The following ANKRD13B variants were observed in gnomAD, a reference collection of about 807,000 sequenced individuals.
ANKRD13B encodes the protein ankyrin repeat domain 13B, also known as ankyrin repeat domain-containing protein 13B.
A neutral mutation model predicts 74.4 loss-of-function variants in ANKRD13B; 33 were observed. That is an observed-to-expected ratio of 0.44 (90% CI 0.34 to 0.59). ANKRD13B has a LOEUF of 0.59. Among genes scored for constraint, ANKRD13B ranks in the 20% least tolerant of loss-of-function variants. The pLI is 0.02. For synonymous variants in ANKRD13B, 341 were observed against 362.9 expected (o/e 0.94, Z 0.68); for missense variants, 676 against 877.9 (o/e 0.77, Z 2.91).
In ANKRD13B at chr17:29,612,022, G is replaced by C; in HGVS notation, c.1100+16G>C. Reference sequence around the variant, plus strand: ...AGACACAGAAGTGAGGCCCCTGCCGGTGCTGGGAAGGTGGGGGGCCGGGGC... The same window carrying C: ...AGACACAGAAGTGAGGCCCCTGCCGCTGCTGGGAAGGTGGGGGGCCGGGGC... On this transcript the variant is annotated intron_variant, in intron 10 of 14. Coordinates refer to ENST00000394859, the MANE Select transcript of ANKRD13B (RefSeq NM_152345.5). This position sits in a 1 kb window ranked among gnomAD's most constrained non-coding sequence, Gnocchi z 6.1. 1 of 1,609,950 alleles carries C rather than the reference G, an allele frequency of 6.2e-7. No homozygotes were observed. The highest frequency in any genetic ancestry group is 8.5e-7 in the Non-Finnish European group (1 of 1,177,736).
chr17:29,597,782 G>A (rs1037349527), intron 1 of ANKRD13B, among the ~76,000 whole-genome samples: 2 of 152,102 alleles, frequency 1.3e-5, no homozygotes, highest in East Asian at 3.9e-4. Context: ...TTCTGCATGG[G>A]GTGTATGGGG....
At position 29,598,690 on chromosome 17, in the gene ANKRD13B, A is replaced by C. The variant is rs143960252; in HGVS notation, c.114+4955A>C. Among the ~76,000 whole-genome samples the C allele has an allele frequency of 5.2e-3, 797 of 152,118 alleles. 5 individuals carry two copies. The highest frequency in any genetic ancestry group is 0.01 in the Admixed American group (158 of 15,276). ...CAGCCTCCCAAGGAGCTAGGACTAC[A>C]GGTGGTGCCACCATGCCTGGCTAAT... On this transcript the variant is annotated intron_variant, in intron 1 of 14. Transcript: ENST00000394859.
chr17:29,598,203 G>C (rs943089713), intron 1 of ANKRD13B, among the ~76,000 whole-genome samples: 6 of 152,196 alleles, frequency 3.9e-5, no homozygotes, highest in Non-Finnish European at 7.4e-5. Flanking sequence ...GCCAACAGGG[G>C]CCAGGCCCGC....
At chr17:29,597,877 C>G (rs188767262) in intron 1 of ANKRD13B, among the ~76,000 whole-genome samples, 118 of 152,234 alleles carry the variant, frequency 7.8e-4, no homozygotes, top group African/African-American at 2.6e-3. Flanking sequence ...AAGTGCCAGC[C>G]GCTCTCTGGA....
At chr17:29,600,832 G>A (rs1397287319) in intron 1 of ANKRD13B, among the ~76,000 whole-genome samples, 1 of 152,016 alleles carries the variant, frequency 6.6e-6, no homozygotes, top group Non-Finnish European at 1.5e-5. Context: ...TGAGGCCCCA[G>A]CCACTTTCCA....
intron 1 of ANKRD13B, among the ~76,000 whole-genome samples, chr17:29,595,654 A>G (rs1167623326): frequency 1.3e-5 from 2 of 152,200 alleles, no homozygotes; most frequent in East Asian, 3.9e-4. Context: ...TGCCTCAGAA[A>G]CAAGGTCCCA....
chr17:29,596,335 G>A (rs79449326), intron 1 of ANKRD13B, among the ~76,000 whole-genome samples: 1,872 of 152,358 alleles, frequency 0.012, 20 homozygotes, highest in Non-Finnish European at 0.018. Flanking sequence ...GCACCCAGCA[G>A]TGCTGTGATG....
Position 29,593,255 on chromosome 17 carries a change from C to T in ANKRD13B, c.-367C>T, listed in dbSNP as rs1451563573. Among the ~76,000 whole-genome samples, 2 of 148,954 alleles carry T rather than the reference C, an allele frequency of 1.3e-5. No homozygotes were observed. Among genetic ancestry groups the T allele is most frequent in the Non-Finnish European group, 3.0e-5 (2 of 66,752 alleles). ...CGTCCCTGCGGCGGCGTCCCCGGGG[C>T]CCGCGTCCCGTGCGCCCCCGCGCCC... On this transcript the variant is annotated 5_prime_UTR_variant, in exon 1 of 15. Transcript: ENST00000394859.
Position 29,608,820 on chromosome 17 carries a change from C to T in ANKRD13B, c.422-31C>T. On this transcript the variant is annotated intron_variant, in intron 4 of 14. Coordinates refer to ENST00000394859, the MANE Select transcript of ANKRD13B (RefSeq NM_152345.5). The surrounding 1 kb of genome is among the most constrained non-coding windows in gnomAD (Gnocchi z 6.4). Reference sequence around the variant, plus strand: ...TCCAGGCCGTGTAGGCCAGACCAGTCAAAGCCACCTCCAACCTCCGCTTCC... The same window carrying T: ...TCCAGGCCGTGTAGGCCAGACCAGTTAAAGCCACCTCCAACCTCCGCTTCC... The T allele has an allele frequency of 6.2e-7, 1 of 1,613,590 alleles. No homozygotes were observed. Among genetic ancestry groups the T allele is most frequent in the South Asian group, 1.1e-5 (1 of 91,028 alleles).
intron 1 of ANKRD13B, among the ~76,000 whole-genome samples, chr17:29,603,478 C>CAGGAG (rs2150885998): frequency 6.6e-6 from 1 of 151,972 alleles, no homozygotes; most frequent in African/African-American, 2.4e-5. Context: ...CTGGGCTGGT[C>CAGGAG]TTAAACTCCT....
rs1040781568 is a variant in ANKRD13B, at chr17:29,613,268, C to T, written c.1653-86C>T. Reference sequence around the variant, plus strand: ...CCACTAGAGGGTGGTGGCCGCGGGCCGCCCTGGAGCCTCCACGCCGTGTCC... The same window carrying T: ...CCACTAGAGGGTGGTGGCCGCGGGCTGCCCTGGAGCCTCCACGCCGTGTCC... On this transcript the variant is annotated intron_variant, in intron 14 of 14. Transcript: ENST00000394859. 2.9e-6 allele frequency: 4 copies of T among 1,383,064 alleles called. No individual in the cohort carries two copies. The African/African-American group carries it at 6.1e-5, about 21-fold the overall frequency. 85.7% of individuals were successfully genotyped at this position (1,383,064 alleles called of 1,614,324 possible).
In ANKRD13B at chr17:29,612,624, G is replaced by T. The variant is rs1598619203; in HGVS notation, c.1412-28G>T. 1 of 1,523,588 alleles carries T rather than the reference G, an allele frequency of 6.6e-7. No individual in the cohort carries two copies. The highest frequency in any genetic ancestry group is 2.4e-5 in the East Asian group (1 of 41,200). The allele number at this position is 1,523,588 out of a possible 1,614,324, so 94.4% of individuals were successfully genotyped here. A position where few individuals can be genotyped will look rare whatever the true frequency, so the allele number is the denominator to read the frequency against. Reference sequence around the variant, plus strand: ...GTGGGTGGGAGGGGCGCGCCCGGCCGTGCCTGACCCAGCCCCCGCGCCCCC... The same window carrying T: ...GTGGGTGGGAGGGGCGCGCCCGGCCTTGCCTGACCCAGCCCCCGCGCCCCC... On this transcript the variant is annotated intron_variant, in intron 12 of 14. Coordinates refer to ENST00000394859, the MANE Select transcript of ANKRD13B (RefSeq NM_152345.5). This position sits in a 1 kb window ranked among gnomAD's most constrained non-coding sequence, Gnocchi z 6.1.
intron 7 of ANKRD13B, among the ~76,000 whole-genome samples, chr17:29,610,370 C>G (rs1439665265): frequency 6.6e-6 from 1 of 152,102 alleles, no homozygotes; most frequent in Non-Finnish European, 1.5e-5. Context: ...ATGGACCATG[C>G]TGTTATAACT....
rs1281945965 is a variant in ANKRD13B at position 29,593,195 on chromosome 17, T to C, written c.-427T>C. ...CGGCCGCTCGGGCTGAGGGCCGGGC[T>C]ATGCAGCTGTGGGGACCCGGGGGCT... On this transcript the variant is annotated 5_prime_UTR_variant, in exon 1 of 15. Coordinates refer to ENST00000394859, the MANE Select transcript of ANKRD13B (RefSeq NM_152345.5). 6.6e-6 allele frequency among the ~76,000 whole-genome samples: 1 copy of C among 150,946 alleles called. No homozygotes were observed. The highest frequency in any genetic ancestry group is 1.5e-5 in the Non-Finnish European group (1 of 67,628).
intron 1 of ANKRD13B, among the ~76,000 whole-genome samples, chr17:29,597,993 C>T (rs928955643): frequency 2.0e-5 from 3 of 151,844 alleles, no homozygotes; most frequent in South Asian, 2.1e-4. Context: ...GCAGCGGCTG[C>T]GGCTGCAGCA....
In ANKRD13B at chr17:29,608,185, C is replaced by T. The variant is rs769341184; in HGVS notation, c.376-10C>T. 21 of 1,614,070 alleles carry T rather than the reference C, an allele frequency of 1.3e-5. No individual in the cohort carries two copies. The highest frequency in any genetic ancestry group is 4.5e-5 in the East Asian group (2 of 44,896). Reference sequence around the variant, plus strand: ...GTGCAGACTTAGCCTCTCTCCCCTTCGTCCTCCAGGCCCAGGACTTCTACG... The same window carrying T: ...GTGCAGACTTAGCCTCTCTCCCCTTTGTCCTCCAGGCCCAGGACTTCTACG... On this transcript the variant is annotated splice_polypyrimidine_tract_variant and intron_variant, in intron 3 of 14. Transcript: ENST00000394859. The surrounding 1 kb of genome is among the most constrained non-coding windows in gnomAD (Gnocchi z 6.4).
At chr17:29,600,358 T>C (rs765581016) in intron 1 of ANKRD13B, among the ~76,000 whole-genome samples, 2 of 152,098 alleles carry the variant, frequency 1.3e-5, no homozygotes, top group Non-Finnish European at 2.9e-5. Context: ...TCACCAGATG[T>C]CTGTATTCTG....
chr17:29,604,505 G>A (rs1162813349), intron 1 of ANKRD13B, among the ~76,000 whole-genome samples: 1 of 150,708 alleles, frequency 6.6e-6, no homozygotes, highest in Non-Finnish European at 1.5e-5. Flanking sequence ...CACCGTGCCT[G>A]GCCTTTGATG....
In ANKRD13B at chr17:29,613,578, A is replaced by T; in HGVS notation, c.1877A>T (p.Gln626Leu). 13 of 1,448,940 alleles carry T rather than the reference A, an allele frequency of 9.0e-6. No homozygotes were observed. Among genetic ancestry groups the T allele is most frequent in the Non-Finnish European group, 1.1e-5 (12 of 1,097,336 alleles). 89.8% of individuals were successfully genotyped at this position (1,448,940 alleles called of 1,614,324 possible). The change falls in exon 15 of 15, where the codon CAG becomes CTG. Residue 626 changes from glutamine to leucine, a missense_variant. By Grantham distance (113) the Gln-to-Leu change is moderately radical. This residue lies in a region of ANKRD13B where 108 missense variants were observed against 90.3 expected (regional missense o/e 1.20). Coordinates refer to ENST00000394859, the MANE Select transcript of ANKRD13B (RefSeq NM_152345.5). ...ATCCTGAGGCTCTCACTGACCGAGC[A>T]GTAGCGCCCCCTGCCGGGACCCTCG... is the stretch of plus-strand genomic sequence containing the variant. ...ERILRLSLTE[Q>L]
Sources: allele counts gnomAD v4.1 joint callset (sites outside exome capture counted in the v4.1 genomes callset), GRCh38; gene constraint gnomAD v4.1.1; regional missense constraint gnomAD v4.1.1; non-coding constraint Gnocchi (gnomAD v3.1); transcripts MANE v1.5; gene names NCBI Gene and HGNC (gene_info 2026-07-23, HGNC 2026-07-21).